Variants in KALRN observed in about 807,000 individuals in gnomAD.
The protein encoded by KALRN is kalirin RhoGEF kinase.
KALRN carries 70 observed loss-of-function variants against 353.7 expected under a neutral mutation model. The observed-to-expected ratio is 0.20, with a 90% CI of 0.16 to 0.24. The LOEUF is 0.24. Ranked by LOEUF, KALRN falls within the 10% of genes least tolerant of loss-of-function variation. The pLI, the probability that KALRN is intolerant of heterozygous loss-of-function variation, is 1.00. For synonymous variants in KALRN, 1,391 were observed against 1,434.8 expected (o/e 0.97, Z 0.69); for missense variants, 2,791 against 3,756.7 (o/e 0.74, Z 6.72).
chr3:124,414,053 C>G (rs1237296670), intron 14 of KALRN, among the ~76,000 whole-genome samples: 1 of 151,864 alleles, frequency 6.6e-6, no homozygotes, highest in African/African-American at 2.4e-5. Flanking sequence ...CTGCAGTGAG[C>G]TGAGACCATG....
Position 124,628,742 on chromosome 3 carries a change from A to ATTTTTTTTTT in KALRN, c.5183-3659_5183-3650dup, listed in dbSNP as rs58523719. Among the ~76,000 whole-genome samples, 6 of 100,094 alleles carry ATTTTTTTTTT rather than the reference A, an allele frequency of 6.0e-5. 1 individual carries two copies. The highest frequency in any genetic ancestry group is 2.8e-4 in the African/African-American group (6 of 21,446). 65.7% of individuals were successfully genotyped at this position (100,094 alleles called of 152,430 possible). A position where few individuals can be genotyped will look rare whatever the true frequency, so the allele number is the denominator to read the frequency against. ...AGTCATGTGCCACCACACCTGGCTA[A>ATTTTTTTTTT]TTTTTTTTTTTTTTTTTTTTTTTTT... On this transcript the variant is annotated intron_variant, in intron 34 of 59. Coordinates refer to ENST00000682506, the MANE Select transcript of KALRN (RefSeq NM_001388419.1).
At chr3:124,372,906 C>CAGTTTCAATGGTAGATTAGT (rs1553934396) in intron 10 of KALRN, among the ~76,000 whole-genome samples, 21,460 of 151,888 alleles carry the variant, frequency 0.14, 1,571 homozygotes, top group Non-Finnish European at 0.16. Flanking sequence ...CTTGGATGAG[C>CAGTTTCAATGGTAGATTAGT]GGTTTCAATG....
At chr3:124,088,576 A>G (rs890702600) in intron 1 of KALRN, among the ~76,000 whole-genome samples, 26 of 152,170 alleles carry the variant, frequency 1.7e-4, no homozygotes, top group African/African-American at 6.3e-4. Context: ...AGTATCCACT[A>G]TGTATTAAGT....
At chr3:124,521,800 T>C (rs2067186215) in intron 33 of KALRN, among the ~76,000 whole-genome samples, 1 of 152,072 alleles carries the variant, frequency 6.6e-6, no homozygotes, top group South Asian at 2.1e-4. Context: ...TGCTTACAGG[T>C]GTTTCAGTGT....
At chr3:124,109,530 A>G (rs1202657345) in intron 1 of KALRN, among the ~76,000 whole-genome samples, 1 of 151,962 alleles carries the variant, frequency 6.6e-6, no homozygotes, top group Non-Finnish European at 1.5e-5. Context: ...CATTGAGCAT[A>G]GTAAGCCTAT....
Position 124,228,053 on chromosome 3 carries a change from C to T in KALRN, c.137C>T (p.Ala46Val), listed in dbSNP as rs1043150761. Residue 46 changes from alanine to valine, a missense_variant, in exon 2 of 60, where the codon GCC becomes GTC. Transcript: ENST00000682506. Reference protein sequence around the residue: ...DVLPILKEKVAFVSGGRDKRG... With the variant: ...DVLPILKEKVVFVSGGRDKRG... The stretch of plus-strand genomic sequence containing the variant: ...CTTCCTATCCTAAAGGAAAAGGTGG[C>T]CTTCGTGTCTGGTGAGTATTTGTGG... 3 of 1,613,502 alleles carry T rather than the reference C, an allele frequency of 1.9e-6. No homozygotes were observed. The highest frequency in any genetic ancestry group is 1.3e-5 in the African/African-American group (1 of 74,980).
chr3:124,534,948 G>T (rs1434756888), intron 33 of KALRN, among the ~76,000 whole-genome samples: 1 of 152,172 alleles, frequency 6.6e-6, no homozygotes. Flanking sequence ...TGCGGGGAGG[G>T]GTAGAATGCC....
At chr3:124,579,507 G>T (rs938424699) in intron 34 of KALRN, among the ~76,000 whole-genome samples, 5 of 152,178 alleles carry the variant, frequency 3.3e-5, no homozygotes, top group African/African-American at 1.2e-4. Context: ...GGGTGGGTAG[G>T]TATGTGAAAA....
intron 33 of KALRN, chr3:124,505,098 C>T (rs963311044): frequency 2.5e-6 from 1 of 396,240 alleles, no homozygotes; most frequent in African/African-American, 2.1e-5. Context: ...GTGTTCTGTA[C>T]AGACCTTTTG....
At position 124,723,875 on chromosome 3, in the gene KALRN, A is replaced by G. The variant is rs1185791869; in HGVS notation, c.*4405A>G. 1 of 152,206 alleles carries G rather than the reference A, an allele frequency of 6.6e-6. No individual in the cohort carries two copies. The allele number at this position is 152,206 out of a possible 1,614,324, so 9.4% of individuals were successfully genotyped here. ...GAAGAACCCAACAACCACTTTCTTC[A>G]CTTGGGAGGGCAGAAGTGAGAAGAA... On this transcript the variant is annotated 3_prime_UTR_variant, in exon 60 of 60. Coordinates refer to ENST00000682506, the MANE Select transcript of KALRN (RefSeq NM_001388419.1).
chr3:124,212,041 G>C (rs749357685), intron 1 of KALRN, among the ~76,000 whole-genome samples: 3 of 152,118 alleles, frequency 2.0e-5, no homozygotes, highest in African/African-American at 7.2e-5. Flanking sequence ...AATGAGGCAA[G>C]GCATGGGCAT....
At chr3:124,403,720 A>G (rs1048427698) in intron 13 of KALRN, among the ~76,000 whole-genome samples, 4 of 152,226 alleles carry the variant, frequency 2.6e-5, no homozygotes, top group Non-Finnish European at 5.9e-5. Flanking sequence ...GAAAGAGACC[A>G]TTCGGTCAGC....
chr3:124,692,676 C>T (rs751843610), intron 51 of KALRN, among the ~76,000 whole-genome samples: 1 of 152,144 alleles, frequency 6.6e-6, no homozygotes, highest in Non-Finnish European at 1.5e-5. Context: ...GTATTGAGTA[C>T]CTGTTATTTG....
At chr3:124,248,706 A>G (rs950404676) in intron 3 of KALRN, among the ~76,000 whole-genome samples, 2 of 151,842 alleles carry the variant, frequency 1.3e-5, no homozygotes, top group African/African-American at 4.8e-5. Flanking sequence ...TGCATTTCCC[A>G]TTTGTTCTAG....
At chr3:124,697,970 T>C (rs1176615612) in intron 55 of KALRN, among the ~76,000 whole-genome samples, 2 of 152,146 alleles carry the variant, frequency 1.3e-5, no homozygotes, top group African/African-American at 2.4e-5. Context: ...CCTTTATTTT[T>C]ATTGTTTATT....
At chr3:124,231,227 T>C (rs1238048079) in intron 2 of KALRN, among the ~76,000 whole-genome samples, 1 of 152,242 alleles carries the variant, frequency 6.6e-6, no homozygotes. Context: ...CCTCCGTTGT[T>C]ATCCAGCACT....
intron 28 of KALRN, among the ~76,000 whole-genome samples, chr3:124,484,593 T>G (rs1371083188): frequency 6.6e-6 from 1 of 152,222 alleles, no homozygotes; most frequent in Non-Finnish European, 1.5e-5. Flanking sequence ...AATAAATTCT[T>G]GTGAGATCTC....
rs906961180 is a variant in KALRN at position 124,723,741 on chromosome 3, A to G, written c.*4271A>G. ...GGAGAGCTGATGAAGTCTTATGTCC[A>G]TAAGTTGTTTTCTCCAGTATTTCTT... is the stretch of plus-strand genomic sequence containing the variant. On this transcript the variant is annotated 3_prime_UTR_variant, in exon 60 of 60. Coordinates refer to ENST00000682506, the MANE Select transcript of KALRN (RefSeq NM_001388419.1). 2.6e-5 allele frequency: 4 copies of G among 152,244 alleles called. No homozygotes were observed. Among genetic ancestry groups the G allele is most frequent in the Non-Finnish European group, 5.9e-5 (4 of 68,034 alleles). The allele number at this position is 152,244 out of a possible 1,614,324, so 9.4% of individuals were successfully genotyped here.
intron 13 of KALRN, among the ~76,000 whole-genome samples, chr3:124,399,929 C>G (rs2090645242): frequency 6.6e-6 from 1 of 152,116 alleles, no homozygotes; most frequent in South Asian, 2.1e-4. Flanking sequence ...GGCACTTTTT[C>G]CTTTTCAGGG....
Sources: allele counts gnomAD v4.1 joint callset (sites outside exome capture counted in the v4.1 genomes callset), GRCh38; gene constraint gnomAD v4.1.1; transcripts MANE v1.5; gene names NCBI Gene and HGNC (gene_info 2026-07-23, HGNC 2026-07-21).